The following CCDC91 variants were observed in gnomAD, a reference collection of about 807,000 sequenced individuals.
CCDC91 encodes coiled-coil domain containing 91.
A neutral mutation model predicts 63.2 loss-of-function variants in CCDC91; 48 were observed. The observed-to-expected ratio is 0.76, with a 90% CI of 0.60 to 0.97. The LOEUF is 0.97. Ranked by LOEUF, CCDC91 falls within the 50% of genes least tolerant of loss-of-function variation. CCDC91 has a pLI of 0.00. For synonymous variants in CCDC91, 167 were observed against 165.8 expected, an observed-to-expected ratio of 1.01 and a Z score of -0.06; for missense variants, 500 against 494.6, an observed-to-expected ratio of 1.01 and a Z score of -0.10.
chr12:28,222,966 AT>A, intron 1 of CCDC91, among the ~76,000 whole-genome samples: 1 of 152,134 alleles, frequency 6.6e-6, no homozygotes, highest in Non-Finnish European at 1.5e-5. Flanking sequence ...GAACTCATCT[AT>A]TTTTCCATTC....
intron 11 of CCDC91, among the ~76,000 whole-genome samples, chr12:28,459,000 T>A (rs1169409055): frequency 1.3e-5 from 2 of 152,080 alleles, no homozygotes; most frequent in Non-Finnish European, 2.9e-5. Context: ...AAAATATACA[T>A]CTTTCATTGA....
intron 1 of CCDC91, chr12:28,225,837 A>G (rs1944238781): frequency 6.6e-6 from 1 of 152,180 alleles, no homozygotes; most frequent in South Asian, 2.1e-4. Flanking sequence ...AGGAGACCTC[A>G]TTCCAAGTTC....
chr12:28,296,762 T>C (rs1949587482), intron 3 of CCDC91, among the ~76,000 whole-genome samples: 2 of 152,064 alleles, frequency 1.3e-5, no homozygotes, highest in South Asian at 4.1e-4. Context: ...ATGTGTACAC[T>C]TAGTTTCAAA....
chr12:28,202,459 C>G (rs73261696), intron 1 of CCDC91, among the ~76,000 whole-genome samples: 8,240 of 151,774 alleles, frequency 0.054, 646 homozygotes, highest in African/African-American at 0.18. Flanking sequence ...TAGTGACTTT[C>G]CTGAACTCTT....
chr12:28,320,350 A>G (rs953046478), intron 6 of CCDC91, among the ~76,000 whole-genome samples: 8 of 151,904 alleles, frequency 5.3e-5, no homozygotes, highest in African/African-American at 1.4e-4. Context: ...TTTGTAGTCA[A>G]TACATGTTTT....
At chr12:28,307,056 G>C in intron 5 of CCDC91, 111 bp downstream of exon 5, 1 of 721,626 alleles carries the variant, frequency 1.4e-6, no homozygotes, top group East Asian at 2.7e-5. Context: ...TTTCTCCCTT[G>C]GTTGTAGGTT....
intron 7 of CCDC91, among the ~76,000 whole-genome samples, chr12:28,375,203 G>T (rs1270855771): frequency 6.6e-6 from 1 of 151,862 alleles, no homozygotes; most frequent in African/African-American, 2.4e-5. Context: ...ATTCATAAGA[G>T]TGTTGTGGGG....
chr12:28,416,913 T>C (rs1947698322), intron 8 of CCDC91, among the ~76,000 whole-genome samples: 1 of 152,168 alleles, frequency 6.6e-6, no homozygotes, highest in African/African-American at 2.4e-5. Context: ...GACATAAATA[T>C]ATGAATTGAC....
chr12:28,205,656 A>T (rs1221203450), intron 1 of CCDC91, among the ~76,000 whole-genome samples: 1 of 152,196 alleles, frequency 6.6e-6, no homozygotes, highest in African/African-American at 2.4e-5. Flanking sequence ...GAACATTTGG[A>T]TTGGTTCCCT....
chr12:28,405,942 T>G (rs1946908396), intron 8 of CCDC91, among the ~76,000 whole-genome samples: 2 of 143,328 alleles, frequency 1.4e-5, no homozygotes, highest in Admixed American at 1.4e-4. Context: ...AGTAGTATGT[T>G]TTGTAAAAAA....
intron 8 of CCDC91, among the ~76,000 whole-genome samples, chr12:28,407,495 T>C (rs1178819338): frequency 6.6e-6 from 1 of 152,228 alleles, no homozygotes; most frequent in Non-Finnish European, 1.5e-5. Flanking sequence ...AAAGTTGTTT[T>C]GGATATTTTA....
intron 1 of CCDC91, among the ~76,000 whole-genome samples, chr12:28,243,259 A>G (rs1489908009): frequency 6.6e-6 from 1 of 152,148 alleles, no homozygotes; most frequent in Non-Finnish European, 1.5e-5. Context: ...GCTGTCCCAT[A>G]GGGAAGTGGT....
chr12:28,380,347 TTTAG>T (rs757531722), intron 7 of CCDC91, among the ~76,000 whole-genome samples: 6 of 151,794 alleles, frequency 4.0e-5, no homozygotes, highest in East Asian at 1.9e-4. Context: ...ATGTGTAGAG[TTTAG>T]TTAGTTGTTT....
intron 1 of CCDC91, among the ~76,000 whole-genome samples, chr12:28,229,662 CA>C (rs1255382476): frequency 6.6e-6 from 1 of 152,134 alleles, no homozygotes; most frequent in Non-Finnish European, 1.5e-5. Flanking sequence ...GTTTTGTGAT[CA>C]GAGAGAAACA....
chr12:28,442,519 C>G (rs1949281032), intron 8 of CCDC91, among the ~76,000 whole-genome samples: 1 of 152,094 alleles, frequency 6.6e-6, no homozygotes, highest in African/African-American at 2.4e-5. Context: ...TGTAATAAAA[C>G]TGTTCTAGAT....
At chr12:28,419,087 A>G (rs1565943186) in intron 8 of CCDC91, among the ~76,000 whole-genome samples, 1 of 152,122 alleles carries the variant, frequency 6.6e-6, no homozygotes, top group Non-Finnish European at 1.5e-5. Context: ...TTTTTTACAT[A>G]TGTTTTATAC....
At chr12:28,383,531 G>A (rs1945420376) in intron 7 of CCDC91, among the ~76,000 whole-genome samples, 1 of 152,072 alleles carries the variant, frequency 6.6e-6, no homozygotes, top group Non-Finnish European at 1.5e-5. Context: ...TTACTCTTGA[G>A]AAACATGTAC....
At chr12:28,420,278 A>G (rs184364294) in intron 8 of CCDC91, among the ~76,000 whole-genome samples, 18 of 152,178 alleles carry the variant, frequency 1.2e-4, no homozygotes, top group African/African-American at 3.9e-4. Flanking sequence ...AAAGCTCTAG[A>G]TGAAATTTTT....
At chr12:28,262,277 CATG>C (rs528955069) in intron 3 of CCDC91, among the ~76,000 whole-genome samples, 4 of 151,910 alleles carry the variant, frequency 2.6e-5, no homozygotes, top group Non-Finnish European at 5.9e-5. Flanking sequence ...TTTAAAAAGA[CATG>C]ATGATTAACC....
Sources: allele counts gnomAD v4.1 joint callset (sites outside exome capture counted in the v4.1 genomes callset), GRCh38; gene constraint gnomAD v4.1.1; transcripts MANE v1.5; gene names NCBI Gene and HGNC (gene_info 2026-07-23, HGNC 2026-07-21).